PLPPR3: variants seen among roughly 807,000 people sequenced by gnomAD.
The protein encoded by PLPPR3 is phospholipid phosphatase-related protein type 3.
Under a neutral mutation model 27.3 loss-of-function variants are expected in PLPPR3, and 14 were observed. The observed-to-expected ratio is 0.51, with a 90% CI of 0.34 to 0.80. PLPPR3 has a LOEUF of 0.80. PLPPR3 is among the 30% of genes least tolerant of loss of function. The pLI is 0.01. For synonymous variants in PLPPR3, 671 were observed against 508.0 expected (o/e 1.32, Z -4.32); for missense variants, 1,287 against 1,056.9 (o/e 1.22, Z -3.02).
rs1276534791 is a variant in PLPPR3 at position 813,353 on chromosome 19, C to CTCCTCTTCCTCCTCCTCCTCT, written c.1353_1373dup (p.Glu453_Glu459dup). On this transcript the variant is annotated inframe_insertion, in exon 8 of 8. Transcript: ENST00000520876. The surrounding 1 kb of genome is among the most constrained non-coding windows in gnomAD (Gnocchi z 4.1). ...AGGGCGGGGCCGGGCCCTCGTCCTC[C>CTCCTCTTCCTCCTCCTCCTCT]TCCTCTTCCTCCTCCTCCTCTTCCT... The CTCCTCTTCCTCCTCCTCCTCT allele has an allele frequency of 3.1e-5, 46 of 1,481,386 alleles. No homozygotes were observed. The Admixed American group carries it at 1.0e-3, about 33-fold the overall frequency. 91.8% of individuals were successfully genotyped at this position (1,481,386 alleles called of 1,614,324 possible). A position where few individuals can be genotyped will look rare whatever the true frequency, so the allele number is the denominator to read the frequency against.
At chr19:823,550 T>C (rs602186), upstream of PLPPR3, among the ~76,000 whole-genome samples, 89,621 of 152,098 alleles carry the variant, frequency 0.59, 28,398 homozygotes, top group African/African-American at 0.84. Context: ...GAGGGTCGCC[T>C]GCCATAAATG....
chr19:813,757 C>A lies in PLPPR3; in HGVS notation c.970G>T (p.Asp324Tyr). Residue 324 changes from aspartate (D) to tyrosine (Y), a missense_variant, in exon 8 of 8, where the codon GAC (aspartate) becomes TAC (tyrosine). Physicochemically the swap from Asp to Tyr is radical, Grantham distance 160. Transcript: ENST00000520876. The surrounding 1 kb of genome is among the most constrained non-coding windows in gnomAD (Gnocchi z 4.1). ...AGCCGCCCTGGGGGCCCCAGCTCGT[C>A]GGTGCTCACCGACTTATTCTGCTGA... is the stretch of plus-strand genomic sequence containing the variant. ...VYQQNKSVST[D>Y]ELGPPGRLEG... The A allele has an allele frequency of 6.5e-7, 1 of 1,527,000 alleles. No individual in the cohort carries two copies. The highest frequency in any genetic ancestry group is 8.8e-7 in the Non-Finnish European group (1 of 1,142,834). The allele number at this position is 1,527,000 out of a possible 1,614,324, so 94.6% of individuals were successfully genotyped here.
At position 814,576 on chromosome 19, in the gene PLPPR3, G is replaced by A. The variant is rs2035017478; in HGVS notation, c.689C>T (p.Thr230Ile). 1.9e-6 allele frequency: 3 copies of A among 1,612,120 alleles called. No individual in the cohort carries two copies. Among genetic ancestry groups the A allele is most frequent in the Non-Finnish European group, 1.7e-6 (2 of 1,179,996 alleles). The stretch of plus-strand genomic sequence containing the variant: ...GACCAGGATGGGCTTCAGCAGCTTG[G>A]TGGTGTCCGAGATGACCGAGTTGAA... ...MYFNSVISDT[T>I]KLLKPILVFA... The change falls in exon 7 of 8, where the codon ACC (threonine) becomes ATC (isoleucine). Residue 230 changes from threonine to isoleucine, a missense_variant. Transcript: ENST00000520876.
Position 813,213 on chromosome 19 carries a change from G to T in PLPPR3, c.1514C>A (p.Ala505Asp). 1 of 1,489,884 alleles carries T rather than the reference G, an allele frequency of 6.7e-7. No individual in the cohort carries two copies. Among genetic ancestry groups the T allele is most frequent in the Non-Finnish European group, 8.8e-7 (1 of 1,132,256 alleles). 92.3% of individuals were successfully genotyped at this position (1,489,884 alleles called of 1,614,324 possible). The change falls in exon 8 of 8, where the codon GCC becomes GAC. Residue 505 changes from alanine (A) to aspartate (D), a missense_variant. Transcript: ENST00000520876. The surrounding 1 kb of genome is among the most constrained non-coding windows in gnomAD (Gnocchi z 4.1). ...HIPEEGAQTG[A>D]GLSPKSGAGV... is the part of the protein sequence containing the mutation. The stretch of plus-strand genomic sequence containing the variant: ...GGCGCCGCTTTTGGGGGACAGGCCG[G>T]CCCCCGTCTGCGCGCCCTCCTCCGG...
chr19:812,801 C>G lies in PLPPR3; in HGVS notation c.1926G>C (p.Ser642=), dbSNP rs3746137. ...AKPPGVSPGS[S]VSDVDQEEPR... is the part of the protein sequence containing the mutation. Reference sequence around the variant, plus strand: ...GCTCCTCCTGGTCCACGTCGCTGACCGACGAGCCGGGGGACACGCCCGGGG... The same window carrying G: ...GCTCCTCCTGGTCCACGTCGCTGACGGACGAGCCGGGGGACACGCCCGGGG... Residue 642 remains serine, a synonymous_variant, in exon 8 of 8, where the codon TCG becomes TCC. Coordinates refer to ENST00000520876, the MANE Select transcript of PLPPR3 (RefSeq NM_001270366.2). 0.12 allele frequency: 126,504 copies of G among 1,092,518 alleles called. 7,851 individuals carry two copies. Among genetic ancestry groups the G allele is most frequent in the Non-Finnish European group, 0.13 (112,760 of 898,002 alleles). The allele number at this position is 1,092,518 out of a possible 1,614,324, so 67.7% of individuals were successfully genotyped here.
In PLPPR3 at chr19:814,461, G is replaced by A. The variant is rs76900321; in HGVS notation, c.804C>T (p.Leu268=). 2.2e-3 allele frequency: 3,597 copies of A among 1,605,974 alleles called. 79 individuals are homozygous for A. In the African/African-American group the frequency reaches 0.042, roughly 19 times the overall value. ...SHPVDVYAGF[L]IGAGIAAYLA... Reference sequence around the variant, plus strand: ...GGTAGGCAGCGATGCCCGCCCCGATGAGGAAGCCGGCATACACGTCCACAG... The same window carrying A: ...GGTAGGCAGCGATGCCCGCCCCGATAAGGAAGCCGGCATACACGTCCACAG... Residue 268 remains leucine, a synonymous_variant, in exon 7 of 8, where the codon CTC becomes CTT. Transcript: ENST00000520876.
At chr19:817,714 G>C (rs1338078617) in intron 2 of PLPPR3, among the ~76,000 whole-genome samples, 1 of 152,202 alleles carries the variant, frequency 6.6e-6, no homozygotes, top group Admixed American at 6.5e-5. Flanking sequence ...GGGCAGAATT[G>C]GATCGAGGGA....
At chr19:818,630 T>G (rs2035098922) in intron 2 of PLPPR3, among the ~76,000 whole-genome samples, 1 of 151,474 alleles carries the variant, frequency 6.6e-6, no homozygotes, top group African/African-American at 2.4e-5. Context: ...ACATCCCGGG[T>G]TCACGCCATT....
At chr19:822,312 G>A (rs1309399608), upstream of PLPPR3, among the ~76,000 whole-genome samples, 5 of 151,750 alleles carry the variant, frequency 3.3e-5, no homozygotes, top group Non-Finnish European at 7.4e-5. Context: ...CGGGGGTTGG[G>A]GTTTCGGGGT....
chr19:819,309 C>G (rs939636547), intron 2 of PLPPR3, among the ~76,000 whole-genome samples: 2 of 123,478 alleles, frequency 1.6e-5, no homozygotes, highest in African/African-American at 7.1e-5. Flanking sequence ...GAGATGGAGT[C>G]TCACTCTGTT....
rs146870799 is a variant in PLPPR3 at position 814,526 on chromosome 19, C to G, written c.739G>C (p.Val247Leu). Residue 247 changes from valine (V) to leucine (L), a missense_variant, in exon 7 of 8, where the codon GTA becomes CTA. Val to Leu is a conservative substitution (Grantham distance 32). Transcript: ENST00000520876. ...TGCGTGATCTGCGTGAGCCCGCATACGCCCGCGGCGATGGCAAAGGCGAAG... is the reference window on the plus strand; with the variant it reads ...TGCGTGATCTGCGTGAGCCCGCATAGGCCCGCGGCGATGGCAAAGGCGAAG... ...LVFAFAIAAG[V>L]CGLTQITQYR... The G allele has an allele frequency of 2.9e-3, 4,651 of 1,611,674 alleles. 13 individuals are homozygous for G. Among genetic ancestry groups the G allele is most frequent in the Non-Finnish European group, 3.7e-3 (4,324 of 1,179,930 alleles).
chr19:819,445 A>G (rs2035113354), intron 2 of PLPPR3, among the ~76,000 whole-genome samples: 2 of 151,016 alleles, frequency 1.3e-5, no homozygotes, highest in African/African-American at 4.9e-5. Context: ...TACGACCACC[A>G]TGCCCAGCTA....
chr19:815,727 T>C lies in PLPPR3; in HGVS notation c.200A>G (p.Asn67Ser), dbSNP rs538946783. Residue 67 changes from asparagine to serine, a missense_variant, in exon 3 of 8, where the codon AAC becomes AGC. Transcript: ENST00000520876. ...RTLSMPYVET[N>S]EELIPLLMLL... ...CATCAGCAGCGGGATGAGCTCCTCG[T>C]TGGTCTCCACGTAGGGCATGGAGAG... is the stretch of plus-strand genomic sequence containing the variant. The C allele has an allele frequency of 6.2e-7, 1 of 1,611,362 alleles. No homozygotes were observed. The highest frequency in any genetic ancestry group is 2.2e-5 in the East Asian group (1 of 44,772).
In PLPPR3 at chr19:813,332, C is replaced by T. The variant is rs1243399616; in HGVS notation, c.1395G>A (p.Pro465=). ...CCTGCACGGTGGGGTAGAGCGAGGG[C>T]GGGGCCGGGCCCTCGTCCTCCTCCT... ...EEEEEDEGPA[P]PSLYPTVQAR... Residue 465 remains proline (P), a synonymous_variant, in exon 8 of 8, where the codon CCG becomes CCA. Transcript: ENST00000520876. The surrounding 1 kb of genome is among the most constrained non-coding windows in gnomAD (Gnocchi z 4.1). 4 of 1,469,336 alleles carry T rather than the reference C, an allele frequency of 2.7e-6. No homozygotes were observed. Among genetic ancestry groups the T allele is most frequent in the South Asian group, 1.4e-5 (1 of 73,824 alleles). The allele number at this position is 1,469,336 out of a possible 1,614,324, so 91.0% of individuals were successfully genotyped here.
Position 813,841 on chromosome 19 carries a change from G to T in PLPPR3, c.886C>A (p.Pro296Thr), listed in dbSNP as rs351993. The change falls in exon 8 of 8, where the codon CCG (proline) becomes ACG (threonine). Residue 296 changes from proline (P) to threonine (T), a missense_variant. Transcript: ENST00000520876. This position sits in a 1 kb window ranked among gnomAD's most constrained non-coding sequence, Gnocchi z 4.1. ...CGCAGCGCGTCCTTGGCGGGGGCCG[G>T]GGCCGCGGGCTTCTCTGCAGGTGGG... ...QAPPAEKPAA[P>T]APAKDALRAL... The T allele has an allele frequency of 1.6e-5, 24 of 1,470,714 alleles. No homozygotes were observed. In the Middle Eastern group the frequency reaches 7.0e-4, roughly 43 times the overall value. The allele number at this position is 1,470,714 out of a possible 1,614,324, so 91.1% of individuals were successfully genotyped here.
In PLPPR3 at chr19:815,687, G is replaced by C. The variant is rs1003128788; in HGVS notation, c.240C>G (p.Ala80=). ...LIPLLMLLSL[A]FAAPAASIMV... The stretch of plus-strand genomic sequence containing the variant: ...TCACCGAGGCGGCAGGGGCCGCGAA[G>C]GCCAAGCTGAGCAGCATCAGCAGCG... The change falls in exon 3 of 8, where the codon GCC becomes GCG. Residue 80 remains alanine (A), a synonymous_variant. Coordinates refer to ENST00000520876, the MANE Select transcript of PLPPR3 (RefSeq NM_001270366.2). 6.9e-6 allele frequency: 11 copies of C among 1,599,994 alleles called. No homozygotes were observed. Among genetic ancestry groups the C allele is most frequent in the Non-Finnish European group, 9.4e-6 (11 of 1,174,260 alleles).
At chr19:816,898 A>C (rs539210658) in intron 2 of PLPPR3, among the ~76,000 whole-genome samples, 1 of 145,088 alleles carries the variant, frequency 6.9e-6, no homozygotes, top group African/African-American at 2.6e-5. Context: ...CTATCCACCC[A>C]CCCAACTGTC....
At position 814,602 on chromosome 19, in the gene PLPPR3, G is replaced by A. The variant is rs1599258285; in HGVS notation, c.663C>T (p.Tyr221=). Residue 221 remains tyrosine (Y), a synonymous_variant, in exon 7 of 8, where the codon TAC becomes TAT. Coordinates refer to ENST00000520876, the MANE Select transcript of PLPPR3 (RefSeq NM_001270366.2). ...SAFAAVYVSM[Y]FNSVISDTTK... is the part of the protein sequence containing the mutation. Reference sequence around the variant, plus strand: ...TGGTGTCCGAGATGACCGAGTTGAAGTACATCTGGGGCATGGGGGTTGGGG... The same window carrying A: ...TGGTGTCCGAGATGACCGAGTTGAAATACATCTGGGGCATGGGGGTTGGGG... 6.2e-7 allele frequency: 1 copy of A among 1,611,980 alleles called. No individual in the cohort carries two copies. The highest frequency in any genetic ancestry group is 1.7e-5 in the Admixed American group (1 of 60,024).
chr19:812,541 G>GGGCCCCCCCCCCCCC lies in PLPPR3; in HGVS notation c.*28_*29insGGGGGGGGGGGGGCC. 1.6e-6 allele frequency: 1 copy of GGGCCCCCCCCCCCCC among 617,396 alleles called. No individual in the cohort carries two copies. Among genetic ancestry groups the GGGCCCCCCCCCCCCC allele is most frequent in the Non-Finnish European group, 2.0e-6 (1 of 496,530 alleles). The allele number at this position is 617,396 out of a possible 1,614,324, so 38.2% of individuals were successfully genotyped here. A position where few individuals can be genotyped will look rare whatever the true frequency, so the allele number is the denominator to read the frequency against. On this transcript the variant is annotated 3_prime_UTR_variant, in exon 8 of 8. Coordinates refer to ENST00000520876, the MANE Select transcript of PLPPR3 (RefSeq NM_001270366.2). Reference sequence around the variant, plus strand: ...GCGCGGCCGCCCGCGCCCTCGGCCCGCCCCCCGCCCGCCCCCGGCCCCGCC... The same window carrying GGGCCCCCCCCCCCCC: ...GCGCGGCCGCCCGCGCCCTCGGCCCGGGCCCCCCCCCCCCCCCCCCCGCCCGCCCCCGGCCCCGCC...
Sources: allele counts gnomAD v4.1 joint callset (sites outside exome capture counted in the v4.1 genomes callset), GRCh38; gene constraint gnomAD v4.1.1; non-coding constraint Gnocchi (gnomAD v3.1); transcripts MANE v1.5; gene names NCBI Gene and HGNC (gene_info 2026-07-23, HGNC 2026-07-21).